CTNNA3: variants seen among roughly 807,000 people sequenced by gnomAD.
CTNNA3 encodes the protein catenin alpha 3, also known as catenin alpha-3.
A neutral mutation model predicts 95.7 loss-of-function variants in CTNNA3; 76 were observed. The ratio of observed to expected loss-of-function variants is 0.79; its 90% CI spans 0.66 to 0.96. The LOEUF (loss-of-function observed/expected upper bound fraction) is 0.96. Ranked by LOEUF, CTNNA3 falls within the 40% of genes least tolerant of loss-of-function variation. CTNNA3 has a pLI of 0.00. For synonymous variants in CTNNA3, 431 were observed against 374.4 expected (o/e 1.15, Z -1.74); for missense variants, 1,191 against 1,089.8 (o/e 1.09, Z -1.31).
At chr10:67,245,687 G>A (rs996078272) in intron 5 of CTNNA3, among the ~76,000 whole-genome samples, 3 of 151,842 alleles carry the variant, frequency 2.0e-5, no homozygotes, top group Non-Finnish European at 2.9e-5. Context: ...GTGAAACCCC[G>A]TCTCTACTAA....
chr10:66,691,029 G>A (rs972493405), intron 9 of CTNNA3, among the ~76,000 whole-genome samples: 4 of 152,298 alleles, frequency 2.6e-5, no homozygotes, highest in African/African-American at 4.8e-5. Context: ...CAGAGTGATC[G>A]ATGCAGAAGA....
chr10:67,423,636 T>C (rs1475931114), intron 5 of CTNNA3, among the ~76,000 whole-genome samples: 3 of 152,146 alleles, frequency 2.0e-5, no homozygotes, highest in East Asian at 1.9e-4. Flanking sequence ...TATTGCAACC[T>C]TCTCCCCACC....
At chr10:66,480,171 C>T (rs1164487687) in intron 11 of CTNNA3, among the ~76,000 whole-genome samples, 4 of 152,110 alleles carry the variant, frequency 2.6e-5, no homozygotes, top group Non-Finnish European at 5.9e-5. Context: ...AGTAAATAAA[C>T]TAGAGAAATT....
chr10:66,421,784 G>A (rs558568100), intron 11 of CTNNA3, among the ~76,000 whole-genome samples: 3 of 146,380 alleles, frequency 2.0e-5, no homozygotes, highest in East Asian at 2.0e-4. Context: ...GCAGTGAGCC[G>A]AGACTGTGCC....
intron 7 of CTNNA3, among the ~76,000 whole-genome samples, chr10:66,851,128 C>T (rs906862088): frequency 3.3e-5 from 5 of 152,086 alleles, no homozygotes; most frequent in South Asian, 2.1e-4. Flanking sequence ...ATTTCCTCTC[C>T]TACTATTATT....
At chr10:67,641,996 T>A (rs542703128) in intron 2 of CTNNA3, among the ~76,000 whole-genome samples, 1 of 151,748 alleles carries the variant, frequency 6.6e-6, no homozygotes, top group East Asian at 1.9e-4. Flanking sequence ...ACTCTAAAAC[T>A]TAAAGCAAAT....
In CTNNA3 at chr10:66,558,398, C is replaced by CA. The variant is rs34760298; in HGVS notation, c.1375-37626dup. Among the ~76,000 whole-genome samples, 42 of 152,080 alleles carry CA rather than the reference C, an allele frequency of 2.8e-4. No individual in the cohort carries two copies. In the East Asian group the frequency reaches 7.5e-3, roughly 27 times the overall value. On this transcript the variant is annotated intron_variant, in intron 10 of 17. Coordinates refer to ENST00000433211, the MANE Select transcript of CTNNA3 (RefSeq NM_013266.4). ...TTATCATTTTCTTTTGGGGAAATGGCAAAAAATAACTTATACTCTTTAAAG... is the reference window on the plus strand; with the variant it reads ...TTATCATTTTCTTTTGGGGAAATGGCAAAAAAATAACTTATACTCTTTAAAG...
rs1840773584 is a variant in CTNNA3, at chr10:67,544,341, G to A, written c.293-4672C>T. ...TAGGCAGTGAAGGACAGTAATCCCT[G>A]AGAAATGGACCAAAAAAAACAGGAT... On this transcript the variant is annotated intron_variant, in intron 3 of 17. Transcript: ENST00000433211. 2.0e-5 allele frequency among the ~76,000 whole-genome samples: 3 copies of A among 152,048 alleles called. No homozygotes were observed. In the South Asian group the frequency reaches 6.2e-4, roughly 32 times the overall value.
rs756903912 is a variant in CTNNA3, at chr10:67,521,972, A to G, written c.460-11T>C. 6 of 1,606,860 alleles carry G rather than the reference A, an allele frequency of 3.7e-6. No individual in the cohort carries two copies. In the East Asian group the frequency reaches 6.7e-5, roughly 18 times the overall value. On this transcript the variant is annotated splice_polypyrimidine_tract_variant and intron_variant, in intron 4 of 17. Transcript: ENST00000433211. ...AAATGTCCTTTGAAACTGAAATTGA[A>G]AACAAAAGTAGATCATTAGGATAGC...
chr10:66,516,993 C>A (rs964343325), intron 11 of CTNNA3, among the ~76,000 whole-genome samples: 3 of 151,936 alleles, frequency 2.0e-5, no homozygotes, highest in African/African-American at 4.8e-5. Flanking sequence ...GAGGTCAAGG[C>A]GGGTGGATCA....
At chr10:67,668,165 C>G (rs1175015450) in intron 1 of CTNNA3, among the ~76,000 whole-genome samples, 5 of 151,966 alleles carry the variant, frequency 3.3e-5, no homozygotes, top group South Asian at 2.1e-4. Flanking sequence ...GCCTTATTAG[C>G]CTCAATTCTA....
chr10:66,737,171 C>T (rs982423893), intron 9 of CTNNA3, among the ~76,000 whole-genome samples: 6 of 152,058 alleles, frequency 3.9e-5, no homozygotes, highest in African/African-American at 1.5e-4. Context: ...CCAACACACA[C>T]TAGTGTAAAA....
At chr10:67,089,646 G>A (rs1857508570) in intron 7 of CTNNA3, among the ~76,000 whole-genome samples, 1 of 151,454 alleles carries the variant, frequency 6.6e-6, no homozygotes, top group Admixed American at 6.6e-5. Flanking sequence ...TACCTCATTT[G>A]GCACACATAA....
At chr10:67,524,395 C>CAAAAAAAAAAAAAAAAAAA in intron 4 of CTNNA3, among the ~76,000 whole-genome samples, 1 of 70,306 alleles carries the variant, frequency 1.4e-5, no homozygotes, top group Non-Finnish European at 3.3e-5. Flanking sequence ...GACTCTGTCT[C>CAAAAAAAAAAAAAAAAAAA]AAAAAAAAAA....
chr10:67,371,701 G>A (rs1843473064), intron 5 of CTNNA3, among the ~76,000 whole-genome samples: 16 of 152,132 alleles, frequency 1.1e-4, no homozygotes, highest in Admixed American at 1.0e-3. Flanking sequence ...GTGTGCATGT[G>A]TCTTTATAGC....
At chr10:67,076,424 T>C (rs1195748099) in intron 7 of CTNNA3, among the ~76,000 whole-genome samples, 1 of 152,192 alleles carries the variant, frequency 6.6e-6, no homozygotes, top group Non-Finnish European at 1.5e-5. Flanking sequence ...TGCATCATAA[T>C]CCACAATCAC....
intron 7 of CTNNA3, among the ~76,000 whole-genome samples, chr10:67,113,265 ATTATC>A (rs1246457449): frequency 6.6e-6 from 1 of 152,152 alleles, no homozygotes; most frequent in Non-Finnish European, 1.5e-5. Context: ...AAATGGTGGC[ATTATC>A]TTAACTTTAG....
intron 3 of CTNNA3, among the ~76,000 whole-genome samples, chr10:67,547,332 ATCAC>A (rs1201294734): frequency 6.6e-6 from 1 of 152,206 alleles, no homozygotes; most frequent in Non-Finnish European, 1.5e-5. Context: ...ACATCAAAGG[ATCAC>A]TCAATCATTT....
chr10:66,758,014 C>T (rs1365493521), intron 9 of CTNNA3, among the ~76,000 whole-genome samples: 4 of 152,048 alleles, frequency 2.6e-5, no homozygotes, highest in African/African-American at 9.7e-5. Context: ...ATTTTATTTT[C>T]CTTTATTTTC....
Sources: gnomAD v4.1 joint callset for allele counts (sites outside exome capture counted in the v4.1 genomes callset) on GRCh38, gnomAD v4.1.1 for gene constraint, MANE v1.5 for transcripts, NCBI Gene and HGNC (gene_info 2026-07-23, HGNC 2026-07-21) for gene names.